The following GNA14 variants were observed in gnomAD, a reference collection of about 807,000 sequenced individuals.
GNA14 encodes the protein G protein subunit alpha 14.
A neutral mutation model predicts 42.0 loss-of-function variants in GNA14; 50 were observed. That is an observed-to-expected ratio of 1.19 (90% CI 0.95 to 1.51). The LOEUF is 1.51. GNA14 is among the 40% of genes most tolerant of loss of function. GNA14 has a pLI of 0.00. For synonymous variants in GNA14, 173 were observed against 163.1 expected (o/e 1.06, Z -0.46); for missense variants, 473 against 446.2 (o/e 1.06, Z -0.54).
intron 1 of GNA14, among the ~76,000 whole-genome samples, chr9:77,610,085 T>G (rs917719050): frequency 2.0e-5 from 3 of 152,230 alleles, no homozygotes; most frequent in African/African-American, 7.2e-5. Context: ...AGGCTTTATC[T>G]GAATAATAAC....
At chr9:77,482,008 G>A (rs559028882) in intron 2 of GNA14, among the ~76,000 whole-genome samples, 2 of 152,070 alleles carry the variant, frequency 1.3e-5, no homozygotes, top group South Asian at 4.2e-4. Flanking sequence ...TATCCAATTT[G>A]CCAGTCTGTG....
intron 1 of GNA14, among the ~76,000 whole-genome samples, chr9:77,614,741 A>T (rs1823783713): frequency 6.6e-6 from 1 of 151,988 alleles, no homozygotes; most frequent in Non-Finnish European, 1.5e-5. Flanking sequence ...TCCCCACTTC[A>T]GCTGTGTATT....
chr9:77,642,531 T>C (rs1425178142), intron 1 of GNA14, among the ~76,000 whole-genome samples: 2 of 152,148 alleles, frequency 1.3e-5, no homozygotes, highest in East Asian at 3.9e-4. Context: ...TTTGGGAGGC[T>C]GAGGCAGGCA....
At chr9:77,626,550 A>G (rs1196420111) in intron 1 of GNA14, among the ~76,000 whole-genome samples, 3 of 152,224 alleles carry the variant, frequency 2.0e-5, no homozygotes, top group Admixed American at 2.0e-4. Flanking sequence ...CTCAGACCAC[A>G]GTGCAATCAA....
At chr9:77,449,527 A>G (rs1298673394) in intron 2 of GNA14, among the ~76,000 whole-genome samples, 1 of 152,190 alleles carries the variant, frequency 6.6e-6, no homozygotes, top group African/African-American at 2.4e-5. Context: ...TGCCATGTCA[A>G]TCAACCAGTG....
chr9:77,596,968 G>A (rs1823476172), intron 1 of GNA14, among the ~76,000 whole-genome samples: 1 of 152,130 alleles, frequency 6.6e-6, no homozygotes, highest in Non-Finnish European at 1.5e-5. Flanking sequence ...GATGTCTCAT[G>A]TCTCCCTAGA....
intron 1 of GNA14, among the ~76,000 whole-genome samples, chr9:77,603,953 AAAC>A (rs1823609436): frequency 1.9e-4 from 27 of 139,882 alleles, no homozygotes; most frequent in African/African-American, 5.7e-4. Context: ...CAAAAAAAAA[AAAC>A]AAAAAAAAAA....
At chr9:77,475,220 T>C (rs1010795844) in intron 2 of GNA14, among the ~76,000 whole-genome samples, 1 of 152,164 alleles carries the variant, frequency 6.6e-6, no homozygotes, top group African/African-American at 2.4e-5. Flanking sequence ...GAAGACAAAC[T>C]ATTGATATAA....
At chr9:77,518,587 C>A (rs1289606898) in intron 2 of GNA14, among the ~76,000 whole-genome samples, 1 of 152,196 alleles carries the variant, frequency 6.6e-6, no homozygotes, top group Non-Finnish European at 1.5e-5. Flanking sequence ...AGGCAGCTAA[C>A]TTAGAGGCAC....
intron 1 of GNA14, among the ~76,000 whole-genome samples, chr9:77,610,841 G>A (rs1175028753): frequency 6.6e-6 from 1 of 152,122 alleles, no homozygotes; most frequent in Admixed American, 6.6e-5. Context: ...CTTATAATGG[G>A]ACAGAGAGGA....
At position 77,431,469 on chromosome 9, in the gene GNA14, G is replaced by A; in HGVS notation, c.465-20C>T. Reference sequence around the variant, plus strand: ...AGGTAACTGTATATTAGAGAACGAGGAACTGACTCTCCTTTTAGAGCAGGG... The same window carrying A: ...AGGTAACTGTATATTAGAGAACGAGAAACTGACTCTCCTTTTAGAGCAGGG... On this transcript the variant is annotated intron_variant, in intron 3 of 6. Coordinates refer to ENST00000341700, the MANE Select transcript of GNA14 (RefSeq NM_004297.4). 6.3e-7 allele frequency: 1 copy of A among 1,585,260 alleles called. No homozygotes were observed. The highest frequency in any genetic ancestry group is 1.3e-5 in the African/African-American group (1 of 74,614).
intron 2 of GNA14, among the ~76,000 whole-genome samples, chr9:77,519,326 A>G (rs1321314778): frequency 1.3e-5 from 2 of 151,956 alleles, no homozygotes; most frequent in South Asian, 2.1e-4. Flanking sequence ...CAGTAGAATC[A>G]CTTGAACCTG....
At chr9:77,522,748 T>C (rs559931713) in intron 2 of GNA14, among the ~76,000 whole-genome samples, 34 of 152,266 alleles carry the variant, frequency 2.2e-4, no homozygotes, top group Admixed American at 1.4e-3. Flanking sequence ...ACTCTTGGCA[T>C]TGGCGTAGCA....
At chr9:77,596,337 A>AT (rs1032269835) in intron 1 of GNA14, among the ~76,000 whole-genome samples, 1 of 151,986 alleles carries the variant, frequency 6.6e-6, no homozygotes, top group Non-Finnish European at 1.5e-5. Context: ...TTTTACAGTG[A>AT]TTTTTTTTGT....
At chr9:77,462,273 C>T (rs1836121136) in intron 2 of GNA14, among the ~76,000 whole-genome samples, 1 of 152,210 alleles carries the variant, frequency 6.6e-6, no homozygotes, top group Non-Finnish European at 1.5e-5. Flanking sequence ...TTCTTTTCCT[C>T]TGGGAGCTCC....
At chr9:77,542,484 G>T in intron 1 of GNA14, among the ~76,000 whole-genome samples, 1 of 152,178 alleles carries the variant, frequency 6.6e-6, no homozygotes, top group East Asian at 1.9e-4. Context: ...TGGTGTTAGT[G>T]GGTCTAGGTT....
At chr9:77,623,755 G>A (rs548295535) in intron 1 of GNA14, among the ~76,000 whole-genome samples, 14 of 152,272 alleles carry the variant, frequency 9.2e-5, no homozygotes, top group Admixed American at 5.2e-4. Flanking sequence ...ACACTTTTCC[G>A]ACGGTCTTCG....
intron 1 of GNA14, among the ~76,000 whole-genome samples, chr9:77,559,390 T>C (rs1822843858): frequency 6.6e-6 from 1 of 152,022 alleles, no homozygotes; most frequent in Non-Finnish European, 1.5e-5. Context: ...GATAAAGGAC[T>C]GGGGGAGCTG....
At chr9:77,433,011 T>C (rs577082888) in intron 3 of GNA14, among the ~76,000 whole-genome samples, 1 of 152,268 alleles carries the variant, frequency 6.6e-6, no homozygotes, top group African/African-American at 2.4e-5. Flanking sequence ...CTTTTTTGCA[T>C]CTAAACATTC....
Sources: allele counts gnomAD v4.1 joint callset (sites outside exome capture counted in the v4.1 genomes callset), GRCh38; gene constraint gnomAD v4.1.1; transcripts MANE v1.5; gene names NCBI Gene and HGNC (gene_info 2026-07-23, HGNC 2026-07-21).